The following KRT86 variants were observed in gnomAD, a reference collection of about 807,000 sequenced individuals.
The protein encoded by KRT86 is keratin, type II cuticular Hb6.
In KRT86, 30 loss-of-function variants were observed where a neutral mutation model predicts 41.2. The observed-to-expected ratio is 0.73, with a 90% CI of 0.54 to 0.99. KRT86 has a LOEUF of 0.99. Ranked by LOEUF, KRT86 falls within the 50% of genes least tolerant of loss-of-function variation. The pLI is 0.00. For synonymous variants in KRT86, 238 were observed against 238.1 expected (o/e 1.00, Z 0.00); for missense variants, 561 against 571.4 (o/e 0.98, Z 0.19).
intron 2 of KRT86, 108 bp downstream of exon 2, chr12:52,276,054 T>A (rs1942554654): frequency 1.0e-6 from 1 of 975,746 alleles, no homozygotes; most frequent in Admixed American, 6.2e-5. Context: ...GGCTACACTT[T>A]CTCTTAGTGA....
intron 7 of KRT86, 61 bp from the exon 8 acceptor site, chr12:52,305,602 C>G (rs1168935921): frequency 1.9e-6 from 3 of 1,613,498 alleles, no homozygotes; most frequent in African/African-American, 2.7e-5. Flanking sequence ...AATCATCTGT[C>G]ATGCCCTGAA....
intron 2 of KRT86, among the ~76,000 whole-genome samples, chr12:52,282,344 C>T (rs1489389057): frequency 1.3e-5 from 2 of 151,466 alleles, no homozygotes; most frequent in African/African-American, 2.4e-5. Context: ...ACCATTCTTC[C>T]GCCTCAGCCT....
intron 6 of KRT86, 34 bp from the exon 7 acceptor site, chr12:52,305,206 T>C: frequency 6.2e-7 from 1 of 1,614,050 alleles, no homozygotes; most frequent in Non-Finnish European, 8.5e-7. Context: ...GGGGCTGTGT[T>C]CTCAACTAAA....
At chr12:52,298,347 T>C (rs1396003671) in intron 2 of KRT86, among the ~76,000 whole-genome samples, 1 of 152,250 alleles carries the variant, frequency 6.6e-6, no homozygotes, top group Middle Eastern at 3.2e-3. Flanking sequence ...TTGAGCATTT[T>C]CTATGTGCCA....
intron 1 of KRT86, chr12:52,275,010 CA>C (rs1330745163): frequency 6.6e-6 from 1 of 152,216 alleles, no homozygotes; most frequent in Non-Finnish European, 1.5e-5. Context: ...TAGTCTGGCT[CA>C]ACTGTCGGCT....
chr12:52,286,342 G>A, intron 2 of KRT86: 2 of 1,555,286 alleles, frequency 1.3e-6, no homozygotes, highest in South Asian at 1.2e-5. Context: ...CCCCTCCGCA[G>A]GTGGTGTTCA....
intron 9 of KRT86, chr12:52,306,680 C>G: frequency 3.0e-6 from 1 of 337,916 alleles, no homozygotes; most frequent in Non-Finnish European, 5.6e-6. Flanking sequence ...TCAGATGTAT[C>G]CCATAAGGAC....
chr12:52,305,850 A>T, intron 8 of KRT86, 62 bp downstream of exon 8: 1 of 1,611,106 alleles, frequency 6.2e-7, no homozygotes, highest in Non-Finnish European at 8.5e-7. Context: ...CACACAGCCT[A>T]TGTGTGCCCT....
At position 52,305,244 on chromosome 12, in the gene KRT86, T is replaced by A. The variant is rs776699267; in HGVS notation, c.740T>A (p.Ile247Asn). 1.2e-6 allele frequency: 2 copies of A among 1,614,060 alleles called. No individual in the cohort carries two copies. Among genetic ancestry groups the A allele is most frequent in the East Asian group, 2.2e-5 (1 of 44,882 alleles). Residue 247 changes from isoleucine to asparagine, a missense_variant, in exon 7 of 11, where the codon ATC becomes AAC. Coordinates refer to ENST00000423955, the MANE Select transcript of KRT86 (RefSeq NM_001320198.2). ...CACTGCCCTCACCTCCTGCAGGAGA[T>A]CCGCGTTCTCCAGTCCCACATCTCA... is the stretch of plus-strand genomic sequence containing the variant. ...DFLRRLYEEE[I>N]RVLQSHISDT... is the part of the protein sequence containing the mutation.
intron 2 of KRT86, among the ~76,000 whole-genome samples, chr12:52,279,613 G>C (rs1937726555): frequency 6.6e-6 from 1 of 152,226 alleles, no homozygotes; most frequent in African/African-American, 2.4e-5. Flanking sequence ...GGCTGCGGTG[G>C]AGGGGTCAGG....
At chr12:52,302,419 C>T in intron 3 of KRT86, 134 bp downstream of exon 3, 1 of 381,872 alleles carries the variant, frequency 2.6e-6, no homozygotes, top group South Asian at 2.2e-5. Flanking sequence ...GGCACACAGA[C>T]ACACAGACAG....
At chr12:52,307,884 G>A (rs1938552508) in intron 9 of KRT86, among the ~76,000 whole-genome samples, 1 of 152,246 alleles carries the variant, frequency 6.6e-6, no homozygotes, top group African/African-American at 2.4e-5. Flanking sequence ...GCAGCTAATA[G>A]CTCTTAAGGG....
chr12:52,287,163 T>C, intron 2 of KRT86: 3 of 1,613,674 alleles, frequency 1.9e-6, no homozygotes, highest in Non-Finnish European at 1.7e-6. Context: ...AGGCCCAGCT[T>C]GGAGTTCATC....
intron 2 of KRT86, among the ~76,000 whole-genome samples, chr12:52,281,637 C>G (rs376229770): frequency 6.6e-6 from 1 of 152,200 alleles, no homozygotes; most frequent in African/African-American, 2.4e-5. Flanking sequence ...TGTTCCCAGT[C>G]TTATTCTTAC....
At chr12:52,283,608 A>G (rs910542648) in intron 2 of KRT86, among the ~76,000 whole-genome samples, 26 of 150,224 alleles carry the variant, frequency 1.7e-4, no homozygotes, top group Non-Finnish European at 3.5e-4. Flanking sequence ...CCTCCCAAGT[A>G]GCTGGAATTA....
intron 2 of KRT86, chr12:52,285,867 A>G (rs77315594): frequency 3.4e-6 from 1 of 295,038 alleles, no homozygotes; most frequent in East Asian, 8.3e-5. Flanking sequence ...ACCCTCCCTA[A>G]CCCCGACCCC....
chr12:52,286,803 C>T (rs1486834455), intron 2 of KRT86: 1 of 1,614,056 alleles, frequency 6.2e-7, no homozygotes, highest in Admixed American at 1.7e-5. Flanking sequence ...ACATTCACAG[C>T]CCCAATGCCT....
intron 2 of KRT86, chr12:52,287,518 C>A (rs1263135863): frequency 1.2e-6 from 2 of 1,612,816 alleles, no homozygotes; most frequent in Non-Finnish European, 1.7e-6. Flanking sequence ...ATGCTGAGAT[C>A]CAGGTAGGGC....
At chr12:52,279,618 G>A (rs1034412410) in intron 2 of KRT86, among the ~76,000 whole-genome samples, 7 of 152,172 alleles carry the variant, frequency 4.6e-5, no homozygotes, top group Non-Finnish European at 1.0e-4. Context: ...CGGTGGAGGG[G>A]TCAGGGCGAG....
Sources: allele counts gnomAD v4.1 joint callset (sites outside exome capture counted in the v4.1 genomes callset), GRCh38; gene constraint gnomAD v4.1.1; transcripts MANE v1.5; gene names NCBI Gene and HGNC (gene_info 2026-07-23, HGNC 2026-07-21).